Variants in SPINK5 observed in about 807,000 individuals in gnomAD.
The protein encoded by SPINK5 is serine peptidase inhibitor Kazal type 5.
A neutral mutation model predicts 151.8 loss-of-function variants in SPINK5; 125 were observed. The ratio of observed to expected loss-of-function variants is 0.82; its 90% CI spans 0.71 to 0.96. The LOEUF is 0.96. SPINK5 is among the 40% of genes least tolerant of loss of function. The pLI is 0.00. For missense variants in SPINK5, 1,194 were observed against 1,291.9 expected (o/e 0.92, Z 1.16); for synonymous variants, 374 against 395.3 (o/e 0.95, Z 0.64).
intron 15 of SPINK5, 96 bp from the exon 16 acceptor site, chr5:148,104,856 A>T (rs1446262653): frequency 8.5e-7 from 1 of 1,170,870 alleles, no homozygotes; most frequent in African/African-American, 1.6e-5. Context: ...AGATCGCGCC[A>T]CTGCACTCCA....
In SPINK5 at chr5:148,091,242, C is replaced by T. The variant is rs1272401833; in HGVS notation, c.666+14C>T. The T allele has an allele frequency of 6.8e-6, 11 of 1,609,816 alleles. No homozygotes were observed. The highest frequency in any genetic ancestry group is 1.1e-5 in the South Asian group (1 of 90,844). On this transcript the variant is annotated intron_variant, in intron 8 of 32. Coordinates refer to ENST00000256084, the MANE Select transcript of SPINK5 (RefSeq NM_006846.4). ...AATGCTGAAAAGGTAAAATGACTCACCAACGCAATTTTGTTCTTGTGGCCA... is the reference window on the plus strand; with the variant it reads ...AATGCTGAAAAGGTAAAATGACTCATCAACGCAATTTTGTTCTTGTGGCCA...
intron 20 of SPINK5, among the ~76,000 whole-genome samples, chr5:148,114,097 C>T (rs1754017540): frequency 6.6e-6 from 1 of 152,100 alleles, no homozygotes; most frequent in African/African-American, 2.4e-5. Flanking sequence ...GGAGTGTGCC[C>T]AGTCATCAGA....
rs566182457 is a variant in SPINK5, at chr5:148,076,844, T to C, written c.282+4624T>C. The stretch of plus-strand genomic sequence containing the variant: ...GAAATGAAAAGTTCAGTAGAGAGGC[T>C]CAGAAGCAGATTTGTGAATCCTTAA... On this transcript the variant is annotated intron_variant, in intron 4 of 32. Coordinates refer to ENST00000256084, the MANE Select transcript of SPINK5 (RefSeq NM_006846.4). Among the ~76,000 whole-genome samples, 187 of 151,654 alleles carry C rather than the reference T, an allele frequency of 1.2e-3. 1 individual carries two copies. Among genetic ancestry groups the C allele is most frequent in the Admixed American group, 2.8e-3 (42 of 15,164 alleles).
chr5:148,093,756 A>G (rs1167715786), intron 8 of SPINK5, among the ~76,000 whole-genome samples: 1 of 151,796 alleles, frequency 6.6e-6, no homozygotes, highest in Non-Finnish European at 1.5e-5. Context: ...AAAGTTAAAA[A>G]GAAATACCTA....
intron 8 of SPINK5, 136 bp from the exon 9 acceptor site, chr5:148,094,218 C>T: frequency 1.1e-6 from 1 of 913,272 alleles, no homozygotes; most frequent in Non-Finnish European, 1.7e-6. Flanking sequence ...ATCTCTGAGC[C>T]TAGAGGTTAG....
At chr5:148,111,941 C>T (rs1315518030) in intron 19 of SPINK5, 46 bp downstream of exon 19, 1 of 1,613,364 alleles carries the variant, frequency 6.2e-7, no homozygotes, top group Non-Finnish European at 8.5e-7. Context: ...GGGAGAAGAT[C>T]AGCATCGGGT....
chr5:148,071,336 A>C (rs1042830771), intron 3 of SPINK5, among the ~76,000 whole-genome samples: 1 of 152,088 alleles, frequency 6.6e-6, no homozygotes, highest in Non-Finnish European at 1.5e-5. Flanking sequence ...AATGAAGCTC[A>C]GATCGTTTGA....
chr5:148,088,066 G>A (rs186335880), intron 5 of SPINK5, among the ~76,000 whole-genome samples: 2 of 151,676 alleles, frequency 1.3e-5, no homozygotes, highest in East Asian at 2.0e-4. Context: ...AAAGGTCTAC[G>A]AGACTGAACA....
At position 148,100,791 on chromosome 5, in the gene SPINK5, T is replaced by A. The variant is rs78504440; in HGVS notation, c.1220+210T>A. ...CACTTAAGCAAGGAGAAAGTCATAA[T>A]CTTGAAATATTCAAGTAGTTTTGTC... On this transcript the variant is annotated intron_variant, in intron 13 of 32. Coordinates refer to ENST00000256084, the MANE Select transcript of SPINK5 (RefSeq NM_006846.4). 9.7e-3 allele frequency among the ~76,000 whole-genome samples: 1,477 copies of A among 152,320 alleles called. 32 individuals carry two copies. Among genetic ancestry groups the A allele is most frequent in the African/African-American group, 0.034 (1,423 of 41,576 alleles).
intron 32 of SPINK5, among the ~76,000 whole-genome samples, chr5:148,134,898 A>C (rs1438280325): frequency 6.6e-6 from 1 of 151,912 alleles, no homozygotes; most frequent in African/African-American, 2.4e-5. Context: ...CCAGATTTGA[A>C]AATCTTAGTC....
In SPINK5 at chr5:148,101,430, C is replaced by T; in HGVS notation, c.1296C>T (p.Ser432=). The change falls in exon 14 of 33, where the codon TCC becomes TCT. Residue 432 remains serine (S), a synonymous_variant. Coordinates refer to ENST00000256084, the MANE Select transcript of SPINK5 (RefSeq NM_006846.4). ...AAAGACAATCTAAGAGTACAGCTTCCTTTGAGGTGAGTTTATATCCTCCAG... is the reference window on the plus strand; with the variant it reads ...AAAGACAATCTAAGAGTACAGCTTCTTTTGAGGTGAGTTTATATCCTCCAG... The part of the protein sequence containing the change: ...RNKRQSKSTA[S]FEELCSEYRK... The T allele has an allele frequency of 6.2e-7, 1 of 1,609,638 alleles. No individual in the cohort carries two copies. The highest frequency in any genetic ancestry group is 8.5e-7 in the Non-Finnish European group (1 of 1,176,114).
At chr5:148,090,975 G>GGAAAGC in intron 7 of SPINK5, 190 bp from the exon 8 acceptor site, 1 of 588,194 alleles carries the variant, frequency 1.7e-6, no homozygotes, top group East Asian at 2.8e-5. Flanking sequence ...AGCTATTGCC[G>GGAAAGC]TCTTTCTTTC....
chr5:148,108,712 AG>A, intron 17 of SPINK5, 40 bp from the exon 18 acceptor site: 1 of 1,601,274 alleles, frequency 6.2e-7, no homozygotes, highest in East Asian at 2.3e-5. Flanking sequence ...CAAAAAGAGT[AG>A]GGAATCATAT....
intron 5 of SPINK5, among the ~76,000 whole-genome samples, chr5:148,087,909 C>G (rs1222253066): frequency 6.6e-6 from 1 of 151,014 alleles, no homozygotes; most frequent in African/African-American, 2.5e-5. Flanking sequence ...TTTTTCTTAT[C>G]ACTTTTAAAT....
chr5:148,065,463 ACATAT>A (rs1253409767), intron 2 of SPINK5, 91 bp downstream of exon 2: 36 of 1,325,660 alleles, frequency 2.7e-5, no homozygotes, highest in Non-Finnish European at 3.7e-5. Context: ...AATAATACAA[ACATAT>A]TATACTGGTA....
At chr5:148,132,616 G>C (rs1289528719) in intron 31 of SPINK5, among the ~76,000 whole-genome samples, 1 of 152,112 alleles carries the variant, frequency 6.6e-6, no homozygotes, top group African/African-American at 2.4e-5. Context: ...AAGTTACAAA[G>C]CTAGGGAGTA....
chr5:148,130,242 A>G (rs1754538498), intron 30 of SPINK5, among the ~76,000 whole-genome samples: 1 of 151,656 alleles, frequency 6.6e-6, no homozygotes, highest in Admixed American at 6.6e-5. Context: ...GATAGGTTGT[A>G]TTTTCTTTGT....
intron 32 of SPINK5, 158 bp downstream of exon 32, chr5:148,134,045 T>C: frequency 1.4e-6 from 1 of 722,054 alleles, no homozygotes. Flanking sequence ...ATAAGGATAA[T>C]TAAGTAATTA....
intron 7 of SPINK5, among the ~76,000 whole-genome samples, chr5:148,090,105 G>A (rs1459498129): frequency 1.3e-5 from 2 of 151,764 alleles, no homozygotes; most frequent in Admixed American, 6.6e-5. Flanking sequence ...CAAAAGGAAG[G>A]GCTATTGGGT....
Sources: allele counts gnomAD v4.1 joint callset (sites outside exome capture counted in the v4.1 genomes callset), GRCh38; gene constraint gnomAD v4.1.1; transcripts MANE v1.5; gene names NCBI Gene and HGNC (gene_info 2026-07-23, HGNC 2026-07-21).